The following IQCK variants were observed in gnomAD, a reference collection of about 807,000 sequenced individuals.
IQCK encodes IQ motif containing K.
Under a neutral mutation model 28.1 loss-of-function variants are expected in IQCK, and 29 were observed. That is an observed-to-expected ratio of 1.03 (90% confidence interval 0.77 to 1.41). The LOEUF (loss-of-function observed/expected upper bound fraction) is 1.41, where lower values mean the gene tolerates loss of function less well. Among genes scored for constraint, IQCK ranks in the 40% most tolerant of loss-of-function variants. IQCK has a pLI of 0.00. For synonymous variants in IQCK, 113 were observed against 115.1 expected, an observed-to-expected ratio of 0.98 and a Z score of 0.12; for missense variants, 359 against 314.7, an observed-to-expected ratio of 1.14 and a Z score of -1.07.
intron 7 of IQCK, among the ~76,000 whole-genome samples, chr16:19,804,312 C>T (rs2055804307): frequency 6.6e-6 from 1 of 151,742 alleles, no homozygotes; most frequent in Admixed American, 6.6e-5. Flanking sequence ...CCACTGCACT[C>T]CAGCCTGGGT....
chr16:19,758,032 G>A (rs901081650), intron 4 of IQCK, among the ~76,000 whole-genome samples: 1 of 152,018 alleles, frequency 6.6e-6, no homozygotes, highest in Admixed American at 6.6e-5. Context: ...TTTAAACCTT[G>A]TTAGAGGCTG....
intron 7 of IQCK, among the ~76,000 whole-genome samples, chr16:19,814,234 A>AC (rs1038603145): frequency 2.7e-5 from 4 of 148,658 alleles, no homozygotes; most frequent in African/African-American, 7.5e-5. Context: ...AAAAAAAAAA[A>AC]AAAAAAAAAA....
At chr16:19,775,354 C>A (rs2055376764) in intron 6 of IQCK, among the ~76,000 whole-genome samples, 1 of 151,984 alleles carries the variant, frequency 6.6e-6, no homozygotes, top group South Asian at 2.1e-4. Flanking sequence ...TTTTGGGTAC[C>A]CCTCATAACA....
At chr16:19,767,592 C>T (rs1056142514) in intron 6 of IQCK, among the ~76,000 whole-genome samples, 3 of 152,218 alleles carry the variant, frequency 2.0e-5, no homozygotes, top group Non-Finnish European at 2.9e-5. Flanking sequence ...TATCTTTTTC[C>T]GCTGAAGTGC....
At chr16:19,823,282 G>A (rs1203660158) in intron 7 of IQCK, among the ~76,000 whole-genome samples, 1 of 152,112 alleles carries the variant, frequency 6.6e-6, no homozygotes, top group Non-Finnish European at 1.5e-5. Flanking sequence ...GAGTTGGGGA[G>A]CAGCCGACCC....
intron 9 of IQCK, among the ~76,000 whole-genome samples, chr16:19,845,696 T>C (rs1360488007): frequency 6.6e-6 from 1 of 152,250 alleles, no homozygotes; most frequent in Non-Finnish European, 1.5e-5. Context: ...TACTCAATGA[T>C]TTAAAGAAAA....
chr16:19,823,100 G>A (rs4782286), intron 7 of IQCK, among the ~76,000 whole-genome samples: 31,090 of 151,972 alleles, frequency 0.2, 3,365 homozygotes, highest in Admixed American at 0.27. Context: ...TGGTGGATGT[G>A]TGGGTAACTC....
chr16:19,726,214 C>T (rs775683420), intron 1 of IQCK, among the ~76,000 whole-genome samples: 19 of 151,362 alleles, frequency 1.3e-4, no homozygotes, highest in Non-Finnish European at 2.5e-4. Flanking sequence ...GTGCCCAGTC[C>T]GGAACTCCTG....
chr16:19,739,457 G>A (rs1334517551), intron 4 of IQCK, among the ~76,000 whole-genome samples: 1 of 152,188 alleles, frequency 6.6e-6, no homozygotes, highest in Non-Finnish European at 1.5e-5. Flanking sequence ...ATTAAATCCA[G>A]GTAATTGCTC....
intron 6 of IQCK, among the ~76,000 whole-genome samples, chr16:19,781,279 A>G (rs2055480019): frequency 6.6e-6 from 1 of 152,178 alleles, no homozygotes; most frequent in Admixed American, 6.6e-5. Flanking sequence ...GTTATATCTG[A>G]AACCCACATG....
chr16:19,854,132 C>G (rs2056522976), intron 9 of IQCK, among the ~76,000 whole-genome samples: 1 of 152,216 alleles, frequency 6.6e-6, no homozygotes, highest in Non-Finnish European at 1.5e-5. Flanking sequence ...TGCCCAGGCC[C>G]CAGGGTAGTT....
chr16:19,817,546 G>C (rs1378573626), intron 7 of IQCK, among the ~76,000 whole-genome samples: 1 of 152,112 alleles, frequency 6.6e-6, no homozygotes, highest in African/African-American at 2.4e-5. Context: ...GCAAAATCAC[G>C]CTAAACTGGT....
chr16:19,826,997 G>C (rs79851136), intron 7 of IQCK, 29 bp from the exon 8 acceptor site: 137,634 of 1,455,116 alleles, frequency 0.095, 8,820 homozygotes, highest in East Asian at 0.25. Context: ...GTGTCGAAAA[G>C]GGACTAAAGT....
intron 9 of IQCK, among the ~76,000 whole-genome samples, chr16:19,853,552 C>G (rs1273899966): frequency 6.6e-6 from 1 of 152,196 alleles, no homozygotes; most frequent in African/African-American, 2.4e-5. Context: ...AACCCAAGGG[C>G]TGGGGAATTC....
chr16:19,722,719 T>A (rs148566624), intron 1 of IQCK, among the ~76,000 whole-genome samples: 35 of 152,176 alleles, frequency 2.3e-4, no homozygotes, highest in African/African-American at 7.9e-4. Flanking sequence ...AGCTTTTTTT[T>A]TTTTTTCCTT....
exon 10 of IQCK, chr16:19,857,290 C>T (rs539290457): frequency 1.4e-4 from 50 of 346,520 alleles, no homozygotes; most frequent in South Asian, 9.3e-4. Context: ...AGCTACCACA[C>T]GTCTTAAGTA....
intron 6 of IQCK, among the ~76,000 whole-genome samples, chr16:19,780,053 ATTTATTTG>A (rs1334722402): frequency 9.9e-4 from 85 of 85,604 alleles, no homozygotes; most frequent in African/African-American, 5.9e-3. Flanking sequence ...TTATTTATTT[ATTTATTTG>A]AGATGGAGTC....
In IQCK at chr16:19,730,275, C is replaced by T. The variant is rs546602015; in HGVS notation, c.182-155C>T. 3.9e-5 allele frequency among the ~76,000 whole-genome samples: 6 copies of T among 152,232 alleles called. No individual in the cohort carries two copies. In the South Asian group the frequency reaches 1.2e-3, roughly 32 times the overall value. ...CCGGCCTCTTGCTGATTTTAAATAC[C>T]ATTAAATGTTAACCTGTCATGGCCA... On this transcript the variant is annotated intron_variant, in intron 1 of 7. Coordinates refer to ENST00000564186, the Ensembl canonical transcript of IQCK.
chr16:19,722,284 C>A (rs774554735), intron 1 of IQCK, among the ~76,000 whole-genome samples: 1 of 152,264 alleles, frequency 6.6e-6, no homozygotes, highest in East Asian at 1.9e-4. Context: ...CATCTGTACA[C>A]GTGGAAGAAG....
Sources: gnomAD v4.1 joint callset for allele counts (sites outside exome capture counted in the v4.1 genomes callset) on GRCh38, gnomAD v4.1.1 for gene constraint, MANE v1.5 for transcripts, NCBI Gene and HGNC (gene_info 2026-07-23, HGNC 2026-07-21) for gene names.